AKAP12: variants seen among roughly 807,000 people sequenced by gnomAD.
AKAP12 encodes A-kinase anchoring protein 12.
Under a neutral mutation model 79.9 loss-of-function variants are expected in AKAP12, and 32 were observed. The observed-to-expected ratio is 0.40, with a 90% confidence interval of 0.30 to 0.54. AKAP12 has a LOEUF of 0.54. Ranked by LOEUF, AKAP12 falls within the 20% of genes least tolerant of loss-of-function variation. AKAP12 has a pLI of 0.48. For missense variants in AKAP12, 2,074 were observed against 2,177.0 expected (o/e 0.95, Z 0.94); for synonymous variants, 808 against 857.0 (o/e 0.94, Z 1.00).
At chr6:151,310,610 G>A (rs1009205425) in intron 3 of AKAP12, among the ~76,000 whole-genome samples, 3 of 152,178 alleles carry the variant, frequency 2.0e-5, no homozygotes, top group Admixed American at 1.3e-4. Context: ...AAATTTAAAC[G>A]TGAAATTCAA....
At chr6:151,329,208 G>A (rs1465367590) in intron 3 of AKAP12, among the ~76,000 whole-genome samples, 1 of 151,906 alleles carries the variant, frequency 6.6e-6, no homozygotes, top group Non-Finnish European at 1.5e-5. Flanking sequence ...TCCACCTCCC[G>A]GGTTCAAGCA....
At chr6:151,347,064 C>T (rs942602037) in intron 3 of AKAP12, among the ~76,000 whole-genome samples, 1 of 152,226 alleles carries the variant, frequency 6.6e-6, no homozygotes, top group Non-Finnish European at 1.5e-5. Flanking sequence ...TGACAATGCA[C>T]ACATTGCACA....
chr6:151,279,053 T>A (rs994390718), intron 2 of AKAP12, among the ~76,000 whole-genome samples: 1 of 152,206 alleles, frequency 6.6e-6, no homozygotes, highest in Non-Finnish European at 1.5e-5. Flanking sequence ...TTTCTAAAAT[T>A]CCTAAAATAA....
chr6:151,323,747 G>A (rs1777457825), intron 3 of AKAP12: 12 of 985,364 alleles, frequency 1.2e-5, no homozygotes, highest in Non-Finnish European at 1.4e-5. Context: ...GCTGTTGCTT[G>A]TCCCAGTGTT....
chr6:151,323,810 A>G (rs1182537349), intron 3 of AKAP12: 1 of 985,280 alleles, frequency 1.0e-6, no homozygotes, highest in Non-Finnish European at 1.2e-6. Context: ...CTGCTCTGCA[A>G]GGGCAGACTC....
intron 3 of AKAP12, among the ~76,000 whole-genome samples, chr6:151,322,575 C>T (rs1777422975): frequency 6.6e-6 from 1 of 152,222 alleles, no homozygotes; most frequent in South Asian, 2.1e-4. Flanking sequence ...TGCCCATGCT[C>T]GTCTGTCCCT....
At chr6:151,323,553 C>CA (rs11391078) in intron 3 of AKAP12, among the ~76,000 whole-genome samples, 40,237 of 134,734 alleles carry the variant, frequency 0.3, 5,794 homozygotes, top group East Asian at 0.46. Context: ...GACTCCATCT[C>CA]AAAAAAAAAA....
rs766059957 is a variant in AKAP12 at position 151,352,720 on chromosome 6, G to A, written c.4329G>A (p.Thr1443=). The part of the protein sequence containing the change: ...ETANILETGE[T]LEPAGAHLVL... ...CCAACATTTTAGAAACAGGTGAAAC[G>A]TTGGAGCCTGCAGGTGCACATTTAG... Residue 1443 remains threonine, a synonymous_variant, in exon 4 of 5, where the codon ACG becomes ACA. Transcript: ENST00000402676. 14 of 1,614,092 alleles carry A rather than the reference G, an allele frequency of 8.7e-6. No homozygotes were observed. Among genetic ancestry groups the A allele is most frequent in the African/African-American group, 4.0e-5 (3 of 74,916 alleles).
chr6:151,314,356 T>C (rs569117757), intron 3 of AKAP12, among the ~76,000 whole-genome samples: 5 of 152,330 alleles, frequency 3.3e-5, no homozygotes, highest in Admixed American at 1.3e-4. Context: ...CCATTTTCTA[T>C]ATTTGAAGTT....
chr6:151,321,302 C>A (rs2114779031), intron 3 of AKAP12, among the ~76,000 whole-genome samples: 1 of 152,156 alleles, frequency 6.6e-6, no homozygotes, highest in African/African-American at 2.4e-5. Flanking sequence ...ATTTTCATTA[C>A]CTCATAAAGA....
intron 2 of AKAP12, among the ~76,000 whole-genome samples, chr6:151,282,879 TAAGA>T (rs892205853): frequency 2.0e-5 from 3 of 152,260 alleles, no homozygotes; most frequent in African/African-American, 7.2e-5. Flanking sequence ...GCTAGATTTG[TAAGA>T]AAGTTGCTAT....
intron 2 of AKAP12, among the ~76,000 whole-genome samples, chr6:151,245,610 AGTCACCACTGC>A (rs1291274300): frequency 1.2e-4 from 3 of 24,990 alleles, no homozygotes; most frequent in African/African-American, 4.1e-4. Context: ...GCACCACTGC[AGTCACCACTGC>A]AGTCCAGCCT....
intron 2 of AKAP12, among the ~76,000 whole-genome samples, chr6:151,250,906 A>G (rs1221453489): frequency 6.6e-6 from 1 of 152,124 alleles, no homozygotes; most frequent in African/African-American, 2.4e-5. Context: ...GCGCCCGGCC[A>G]AAAATGGTCA....
chr6:151,321,920 T>TTTTTTTTTTTTTTC (rs1777402065), intron 3 of AKAP12, among the ~76,000 whole-genome samples: 1 of 145,738 alleles, frequency 6.9e-6, no homozygotes, highest in Non-Finnish European at 1.5e-5. Flanking sequence ...TTTTTTTTTT[T>TTTTTTTTTTTTTTC]TTTTTTTTGA....
At chr6:151,343,782 CAAAAAAAG>C (rs143767480) in intron 3 of AKAP12, among the ~76,000 whole-genome samples, 6,506 of 150,088 alleles carry the variant, frequency 0.043, 253 homozygotes, top group East Asian at 0.14. Context: ...AAGACTGGTT[CAAAAAAAG>C]AAAAAAAGAA....
At chr6:151,311,471 T>A (rs1213689565) in intron 3 of AKAP12, among the ~76,000 whole-genome samples, 1 of 152,182 alleles carries the variant, frequency 6.6e-6, no homozygotes, top group Non-Finnish European at 1.5e-5. Context: ...GCTCCCGGTG[T>A]GTGCACGTGG....
Position 151,240,606 on chromosome 6 carries a change from C to G in AKAP12, c.44C>G (p.Pro15Arg), listed in dbSNP as rs898508650. The G allele has an allele frequency of 1.4e-5, 20 of 1,420,044 alleles. No homozygotes were observed. The African/African-American group carries it at 2.8e-4, about 20-fold the overall frequency. 88.0% of individuals were successfully genotyped at this position (1,420,044 alleles called of 1,614,324 possible). The change falls in exon 2 of 5, where the codon CCG becomes CGG. Residue 15 changes from proline to arginine, a missense_variant. Coordinates refer to ENST00000402676, the MANE Select transcript of AKAP12 (RefSeq NM_005100.4). ...ACCGAGCAGCGCAGCCCGGAGCAGC[C>G]GCCCGAGGGGAGCTCCACGCCGGCT... ...SSTEQRSPEQ[P>R]PEGSSTPAEP...
intron 3 of AKAP12, among the ~76,000 whole-genome samples, chr6:151,334,622 CTT>C (rs201525210): frequency 5.5e-4 from 78 of 142,358 alleles, no homozygotes; most frequent in African/African-American, 1.2e-3. Context: ...TGCATCTCAA[CTT>C]TTTTTTTTTT....
At chr6:151,320,853 A>G (rs368233216) in intron 3 of AKAP12, among the ~76,000 whole-genome samples, 1 of 152,324 alleles carries the variant, frequency 6.6e-6, no homozygotes, top group Non-Finnish European at 1.5e-5. Context: ...TAAAGAAACA[A>G]ACCAGCTTTT....
Sources: gnomAD v4.1 joint callset for allele counts (sites outside exome capture counted in the v4.1 genomes callset) on GRCh38, gnomAD v4.1.1 for gene constraint, MANE v1.5 for transcripts, NCBI Gene and HGNC (gene_info 2026-07-23, HGNC 2026-07-21) for gene names.